Variants in PDE9A observed in about 807,000 individuals in gnomAD.
PDE9A encodes the protein phosphodiesterase 9A, also known as high affinity cGMP-specific 3',5'-cyclic phosphodiesterase 9A.
In PDE9A, 60 loss-of-function variants were observed where a neutral mutation model predicts 87.4. The ratio of observed to expected loss-of-function variants is 0.69; its 90% CI spans 0.56 to 0.85. PDE9A has a LOEUF of 0.85. PDE9A is among the 40% of genes least tolerant of loss of function. The pLI, the probability that PDE9A is intolerant of heterozygous loss-of-function variation, is 0.00. For synonymous variants in PDE9A, 272 were observed against 279.4 expected (o/e 0.97, Z 0.27); for missense variants, 665 against 779.0 (o/e 0.85, Z 1.74).
chr21:42,726,624 A>ATATATATATAT, intron 4 of PDE9A, among the ~76,000 whole-genome samples: 6 of 19,770 alleles, frequency 3.0e-4, no homozygotes, highest in Non-Finnish European at 3.0e-4. Flanking sequence ...ATATATATAT[A>ATATATATATAT]TTTTTTTTTT....
chr21:42,682,060 C>A (rs1018450005), intron 1 of PDE9A, among the ~76,000 whole-genome samples: 2 of 152,224 alleles, frequency 1.3e-5, no homozygotes, highest in Non-Finnish European at 2.9e-5. Context: ...AGGGCTCACG[C>A]CTCATGCCCA....
Position 42,704,890 on chromosome 21 carries a change from G to A in PDE9A, c.262+5879G>A, listed in dbSNP as rs2048696058. On this transcript the variant is annotated intron_variant, in intron 4 of 19. Coordinates refer to ENST00000291539, the MANE Select transcript of PDE9A (RefSeq NM_002606.3). This position sits in a 1 kb window ranked among gnomAD's most constrained non-coding sequence, Gnocchi z 5.3. Reference sequence around the variant, plus strand: ...AACGGGCCCGGTGGAACTGTGCAATGCAGAAACACCCCAGGGTTTTGCTGT... The same window carrying A: ...AACGGGCCCGGTGGAACTGTGCAATACAGAAACACCCCAGGGTTTTGCTGT... 6.6e-6 allele frequency among the ~76,000 whole-genome samples: 1 copy of A among 152,244 alleles called. No homozygotes were observed. The highest frequency in any genetic ancestry group is 1.5e-5 in the Non-Finnish European group (1 of 68,048).
At chr21:42,773,957 T>C (rs2057289592) in intron 19 of PDE9A, among the ~76,000 whole-genome samples, 1 of 150,954 alleles carries the variant, frequency 6.6e-6, no homozygotes, top group South Asian at 2.1e-4. Flanking sequence ...CAAAAAAAAT[T>C]AGCCGGGCGT....
At chr21:42,689,338 A>G (rs1220209937) in intron 3 of PDE9A, among the ~76,000 whole-genome samples, 2 of 152,142 alleles carry the variant, frequency 1.3e-5, no homozygotes, top group African/African-American at 4.8e-5. Context: ...TGCCCCACAC[A>G]GTCTGGCTCT....
chr21:42,765,529 G>T (rs1399766742), intron 15 of PDE9A, 35 bp downstream of exon 15: 1 of 1,225,060 alleles, frequency 8.2e-7, no homozygotes, highest in Non-Finnish European at 1.2e-6. Flanking sequence ...GGGCAGCCAG[G>T]CGGTGGGCTG....
intron 1 of PDE9A, among the ~76,000 whole-genome samples, chr21:42,677,760 G>T (rs879817011): frequency 2.6e-5 from 4 of 151,996 alleles, no homozygotes; most frequent in Non-Finnish European, 5.9e-5. Flanking sequence ...CTCCTGCCTC[G>T]GCCTCCTGAG....
intron 4 of PDE9A, chr21:42,724,616 T>C (rs2050853633): frequency 1.0e-6 from 1 of 983,858 alleles, no homozygotes; most frequent in African/African-American, 1.7e-5. Context: ...CTGTGCTGAG[T>C]CACATATATT....
At chr21:42,711,899 C>G (rs2049375689) in intron 4 of PDE9A, among the ~76,000 whole-genome samples, 1 of 152,154 alleles carries the variant, frequency 6.6e-6, no homozygotes, top group Non-Finnish European at 1.5e-5. Context: ...GAACTCTGTT[C>G]TGCTTCATTG....
intron 7 of PDE9A, among the ~76,000 whole-genome samples, chr21:42,736,759 G>A (rs1368839083): frequency 6.6e-6 from 1 of 152,156 alleles, no homozygotes. Context: ...CTCCTCCCCT[G>A]GCATGCAACT....
intron 1 of PDE9A, among the ~76,000 whole-genome samples, chr21:42,680,535 T>C (rs2059113662): frequency 1.3e-5 from 2 of 152,204 alleles, no homozygotes; most frequent in African/African-American, 4.8e-5. Context: ...ACAACAGGCT[T>C]GGTGGCAAAG....
intron 1 of PDE9A, among the ~76,000 whole-genome samples, chr21:42,673,306 C>T (rs921130024): frequency 3.9e-5 from 6 of 152,168 alleles, no homozygotes; most frequent in African/African-American, 1.2e-4. Flanking sequence ...CTGACCAGGG[C>T]GATCCTAGAG....
intron 7 of PDE9A, among the ~76,000 whole-genome samples, chr21:42,736,307 T>C (rs1201043595): frequency 6.6e-6 from 1 of 152,088 alleles, no homozygotes; most frequent in African/African-American, 2.4e-5. Flanking sequence ...AAAATAACCA[T>C]CAAGCCAGAA....
In PDE9A at chr21:42,663,602, C is replaced by T. The variant is rs1243406029; in HGVS notation, c.69+9719C>T. Reference sequence around the variant, plus strand: ...CCACAGCAGACAGGCCTGGCAGTGCCCCCCGTCTTCCCACCCTGCGGTCAT... The same window carrying T: ...CCACAGCAGACAGGCCTGGCAGTGCTCCCCGTCTTCCCACCCTGCGGTCAT... On this transcript the variant is annotated intron_variant, in intron 1 of 19. Transcript: ENST00000291539. 1.8e-4 allele frequency among the ~76,000 whole-genome samples: 24 copies of T among 132,740 alleles called. 1 individual carries two copies. Among genetic ancestry groups the T allele is most frequent in the Non-Finnish European group, 1.5e-5 (1 of 64,870 alleles). The allele number at this position is 132,740 out of a possible 152,430, so 87.1% of individuals were successfully genotyped here.
In PDE9A at chr21:42,688,077, G is replaced by T. The variant is rs143696457; in HGVS notation, c.218+83G>T. ...GGAGGCTTTCTGTGATTTTGTAAAT[G>T]TGCTACTGCAGAAAGGTGTGAATTG... On this transcript the variant is annotated intron_variant, in intron 3 of 19. Transcript: ENST00000291539. 733 of 1,120,608 alleles carry T rather than the reference G, an allele frequency of 6.5e-4. 3 individuals carry two copies. The African/African-American group carries it at 1.0e-2, about 15-fold the overall frequency. 69.4% of individuals were successfully genotyped at this position (1,120,608 alleles called of 1,614,324 possible). A position where few individuals can be genotyped will look rare whatever the true frequency, so the allele number is the denominator to read the frequency against.
At chr21:42,688,346 T>C (rs1270751404) in intron 3 of PDE9A, among the ~76,000 whole-genome samples, 1 of 152,118 alleles carries the variant, frequency 6.6e-6, no homozygotes, top group East Asian at 1.9e-4. Context: ...GGAGATTCCC[T>C]ACAGAGCCCC....
chr21:42,720,186 C>T (rs2050356248), intron 4 of PDE9A, among the ~76,000 whole-genome samples: 1 of 152,202 alleles, frequency 6.6e-6, no homozygotes, highest in African/African-American at 2.4e-5. Flanking sequence ...TTCGTACCCA[C>T]ACCCTCCCTT....
At position 42,759,037 on chromosome 21, in the gene PDE9A, G is replaced by A. The variant is rs1258591988; in HGVS notation, c.849G>A (p.Gly283=). 1.9e-6 allele frequency: 3 copies of A among 1,614,028 alleles called. No homozygotes were observed. Among genetic ancestry groups the A allele is most frequent in the Non-Finnish European group, 2.5e-6 (3 of 1,180,000 alleles). Residue 283 remains glycine (G), a synonymous_variant, in exon 11 of 20, where the codon GGG becomes GGA. Transcript: ENST00000291539. This position sits in a 1 kb window ranked among gnomAD's most constrained non-coding sequence, Gnocchi z 7.2. ...TGGAGCACATGTACCACGACCTCGG[G>A]CTGGTCAGGGACTTCAGCATCAACC... ...SCLEHMYHDL[G]LVRDFSINPV...
rs375018314 is a variant in PDE9A, at chr21:42,658,640, C to T, written c.69+4757C>T. Among the ~76,000 whole-genome samples the T allele has an allele frequency of 1.2e-4, 19 of 152,356 alleles. No individual in the cohort carries two copies. In the South Asian group the frequency reaches 1.9e-3, roughly 15 times the overall value. ...CTCAATTGTGCAGGGCTGCGTCCCC[C>T]GGCCACACTGACTCCTCTCCAGGTT... is the stretch of plus-strand genomic sequence containing the variant. On this transcript the variant is annotated intron_variant, in intron 1 of 19. Transcript: ENST00000291539.
At chr21:42,773,475 C>T (rs1014720170) in intron 19 of PDE9A, among the ~76,000 whole-genome samples, 3 of 152,144 alleles carry the variant, frequency 2.0e-5, no homozygotes, top group African/African-American at 4.8e-5. Flanking sequence ...ATTCAGCTCA[C>T]GGGGAATGCA....
Sources: allele counts gnomAD v4.1 joint callset (sites outside exome capture counted in the v4.1 genomes callset), GRCh38; gene constraint gnomAD v4.1.1; non-coding constraint Gnocchi (gnomAD v3.1); transcripts MANE v1.5; gene names NCBI Gene and HGNC (gene_info 2026-07-23, HGNC 2026-07-21).